Variants in ROBO2 observed in about 807,000 individuals in gnomAD.
The protein encoded by ROBO2 is roundabout homolog 2.
In ROBO2, 53 loss-of-function variants were observed where a neutral mutation model predicts 160.8. The observed-to-expected ratio is 0.33, with a 90% CI of 0.26 to 0.41. The LOEUF (loss-of-function observed/expected upper bound fraction) is 0.41. Among genes scored for constraint, ROBO2 ranks in the 10% least tolerant of loss-of-function variants. ROBO2 has a pLI of 1.00. For synonymous variants in ROBO2, 664 were observed against 611.7 expected (o/e 1.09, Z -1.26); for missense variants, 1,577 against 1,722.4 (o/e 0.92, Z 1.49).
At chr3:76,288,238 C>CTA (rs1221929254) in intron 2 of ROBO2, among the ~76,000 whole-genome samples, 5 of 152,040 alleles carry the variant, frequency 3.3e-5, no homozygotes, top group African/African-American at 1.2e-4. Flanking sequence ...AAATAACCTC[C>CTA]TATAGCATGC....
intron 2 of ROBO2, among the ~76,000 whole-genome samples, chr3:77,206,568 C>T (rs962539984): frequency 1.2e-4 from 19 of 152,156 alleles, no homozygotes; most frequent in African/African-American, 4.1e-4. Flanking sequence ...CTATACCGAA[C>T]GTGGTCACAT....
chr3:76,146,589 C>A (rs1407199869), intron 2 of ROBO2, among the ~76,000 whole-genome samples: 1 of 151,432 alleles, frequency 6.6e-6, no homozygotes, highest in Non-Finnish European at 1.5e-5. Context: ...TTTGAAATAC[C>A]TCTGCAAAAT....
chr3:76,322,386 A>G (rs2072637605), intron 2 of ROBO2, among the ~76,000 whole-genome samples: 1 of 151,812 alleles, frequency 6.6e-6, no homozygotes, highest in African/African-American at 2.4e-5. Context: ...TTTTACAGAC[A>G]TTTCATAGAG....
chr3:77,264,284 A>G (rs1580477730), intron 2 of ROBO2, among the ~76,000 whole-genome samples: 1 of 152,246 alleles, frequency 6.6e-6, no homozygotes, highest in Admixed American at 6.5e-5. Flanking sequence ...AAAAAGACCC[A>G]GAGAAATTTC....
At chr3:76,610,177 T>C (rs1328811089) in intron 2 of ROBO2, among the ~76,000 whole-genome samples, 2 of 152,200 alleles carry the variant, frequency 1.3e-5, no homozygotes, top group East Asian at 3.9e-4. Flanking sequence ...CTGATGTGTC[T>C]TTGTCTGGTT....
At chr3:77,345,715 A>C (rs545228548) in intron 2 of ROBO2, among the ~76,000 whole-genome samples, 1 of 152,304 alleles carries the variant, frequency 6.6e-6, no homozygotes, top group East Asian at 1.9e-4. Context: ...GATATTAAAT[A>C]ACTTTGTAAA....
chr3:76,467,469 T>A (rs1420021262), intron 2 of ROBO2, among the ~76,000 whole-genome samples: 1 of 152,132 alleles, frequency 6.6e-6, no homozygotes, highest in African/African-American at 2.4e-5. Context: ...CCAAATATTT[T>A]ATGTGTTTCC....
intron 2 of ROBO2, among the ~76,000 whole-genome samples, chr3:76,997,255 G>A (rs983281547): frequency 2.0e-5 from 3 of 152,094 alleles, no homozygotes; most frequent in African/African-American, 7.2e-5. Flanking sequence ...GACCATATGT[G>A]TTAAAGCATT....
intron 2 of ROBO2, among the ~76,000 whole-genome samples, chr3:77,262,436 C>T (rs1374837250): frequency 6.6e-6 from 1 of 152,112 alleles, no homozygotes; most frequent in Non-Finnish European, 1.5e-5. Flanking sequence ...CAAATGAGTA[C>T]TTGTGCTGAT....
At chr3:76,060,224 A>G (rs2068024803) in intron 2 of ROBO2, among the ~76,000 whole-genome samples, 1 of 152,166 alleles carries the variant, frequency 6.6e-6, no homozygotes, top group South Asian at 2.1e-4. Flanking sequence ...ATTATTAGCA[A>G]TCACATCTAT....
At chr3:76,304,196 A>T (rs916937262) in intron 2 of ROBO2, among the ~76,000 whole-genome samples, 4 of 152,218 alleles carry the variant, frequency 2.6e-5, no homozygotes, top group Non-Finnish European at 5.9e-5. Context: ...TGTGCAAAAA[A>T]CAAGCAATGT....
intron 2 of ROBO2, among the ~76,000 whole-genome samples, chr3:76,709,012 C>A (rs1047413100): frequency 5.9e-5 from 9 of 152,252 alleles, no homozygotes; most frequent in Admixed American, 3.9e-4. Context: ...GCCATTTACT[C>A]AAAAGGTCAA....
chr3:76,473,795 A>T (rs113002246), intron 2 of ROBO2, among the ~76,000 whole-genome samples: 546 of 152,282 alleles, frequency 3.6e-3, no homozygotes, highest in South Asian at 5.2e-3. Flanking sequence ...GAAATGTTAA[A>T]TTTTTTCAGG....
intron 2 of ROBO2, among the ~76,000 whole-genome samples, chr3:76,793,459 T>C (rs2063495486): frequency 6.6e-6 from 1 of 151,878 alleles, no homozygotes. Context: ...AACTTCCTGA[T>C]AAAATTCTCA....
intron 2 of ROBO2, among the ~76,000 whole-genome samples, chr3:76,238,938 A>G (rs1705125046): frequency 3.3e-5 from 5 of 152,210 alleles, no homozygotes; most frequent in Admixed American, 3.3e-4. Flanking sequence ...CAGAGAGACC[A>G]ATGAGAAGCC....
At chr3:76,398,516 G>A (rs9815217) in intron 2 of ROBO2, among the ~76,000 whole-genome samples, 32,891 of 151,490 alleles carry the variant, frequency 0.22, 4,426 homozygotes, top group African/African-American at 0.38. Flanking sequence ...CAAGCTGTAT[G>A]TATTAGTTAC....
intron 2 of ROBO2, among the ~76,000 whole-genome samples, chr3:77,199,347 G>A (rs1206797933): frequency 1.3e-5 from 2 of 152,152 alleles, no homozygotes; most frequent in Non-Finnish European, 2.9e-5. Flanking sequence ...CACCAGTTGG[G>A]GAAATAGGGA....
chr3:76,362,021 A>G (rs2075552246), intron 2 of ROBO2, among the ~76,000 whole-genome samples: 1 of 152,126 alleles, frequency 6.6e-6, no homozygotes, highest in African/African-American at 2.4e-5. Flanking sequence ...GAGTAAATGT[A>G]TAAAAAATAA....
intron 2 of ROBO2, among the ~76,000 whole-genome samples, chr3:76,789,003 C>A (rs148413342): frequency 6.6e-6 from 1 of 151,390 alleles, no homozygotes; most frequent in Non-Finnish European, 1.5e-5. Context: ...AATGTCAAGT[C>A]GAACACCTGG....
Sources: allele counts gnomAD v4.1 joint callset (sites outside exome capture counted in the v4.1 genomes callset), GRCh38; gene constraint gnomAD v4.1.1; transcripts MANE v1.5; gene names NCBI Gene and HGNC (gene_info 2026-07-23, HGNC 2026-07-21).